KCNH1: variants seen among roughly 807,000 people sequenced by gnomAD.
KCNH1 encodes the protein voltage-gated delayed rectifier potassium channel KCNH1.
Under a neutral mutation model 69.2 loss-of-function variants are expected in KCNH1, and 27 were observed. That is an observed-to-expected ratio of 0.39 (90% CI 0.29 to 0.54). The LOEUF (loss-of-function observed/expected upper bound fraction) is 0.54. Ranked by LOEUF, KCNH1 falls within the 20% of genes least tolerant of loss-of-function variation. The probability of loss-of-function intolerance (pLI) is 0.68; values close to 1 mark genes in which losing one functional copy is unlikely to be tolerated. For missense variants in KCNH1, 798 were observed against 1,261.6 expected (o/e 0.63, Z 5.57); for synonymous variants, 456 against 487.7 (o/e 0.93, Z 0.86).
At chr1:210,702,583 T>C (rs1418102088) in intron 10 of KCNH1, among the ~76,000 whole-genome samples, 2 of 152,224 alleles carry the variant, frequency 1.3e-5, no homozygotes, top group Non-Finnish European at 2.9e-5. Context: ...ATGTCTTTAA[T>C]GTAAGCATTT....
rs371148092 is a variant in KCNH1, at chr1:210,873,592, C to T, written c.1462+46048G>A. ...TTGAACTCCTGACCTCAGCCATCCT[C>T]CTAATTCAGCCATCCTCCTAACTCA... On this transcript the variant is annotated intron_variant, in intron 7 of 10. Transcript: ENST00000271751. 6.2e-3 allele frequency among the ~76,000 whole-genome samples: 944 copies of T among 151,810 alleles called. 7 individuals carry two copies. The highest frequency in any genetic ancestry group is 8.4e-3 in the Non-Finnish European group (570 of 67,722).
chr1:210,750,579 A>G (rs557336945), intron 10 of KCNH1, among the ~76,000 whole-genome samples: 42 of 152,160 alleles, frequency 2.8e-4, no homozygotes, highest in Non-Finnish European at 4.0e-4. Context: ...AAGTCACAGG[A>G]AGGAATCTTG....
chr1:211,124,526 C>T (rs1005173944), intron 1 of KCNH1, among the ~76,000 whole-genome samples: 1 of 152,098 alleles, frequency 6.6e-6, no homozygotes, highest in African/African-American at 2.4e-5. Flanking sequence ...TGCCTGTAGT[C>T]CCAGCTGCTC....
chr1:210,729,146 T>G (rs1682681533), intron 10 of KCNH1, among the ~76,000 whole-genome samples: 1 of 152,228 alleles, frequency 6.6e-6, no homozygotes, highest in East Asian at 1.9e-4. Flanking sequence ...CATTCTGCAT[T>G]TTTAAATTCC....
At chr1:211,034,684 A>G (rs929208417) in intron 5 of KCNH1, among the ~76,000 whole-genome samples, 1 of 152,216 alleles carries the variant, frequency 6.6e-6, no homozygotes, top group Non-Finnish European at 1.5e-5. Flanking sequence ...AATGTAGATG[A>G]ATTACAAATA....
At chr1:211,012,730 A>G (rs1689416033) in intron 6 of KCNH1, among the ~76,000 whole-genome samples, 1 of 152,216 alleles carries the variant, frequency 6.6e-6, no homozygotes, top group Non-Finnish European at 1.5e-5. Context: ...AAACCCATAG[A>G]ATATATAATC....
At chr1:210,933,103 G>A (rs1401374040) in intron 6 of KCNH1, among the ~76,000 whole-genome samples, 1 of 152,134 alleles carries the variant, frequency 6.6e-6, no homozygotes. Context: ...GCAAAGACTT[G>A]GAACCAATCC....
At chr1:211,119,130 G>A (rs1403987508) in intron 1 of KCNH1, among the ~76,000 whole-genome samples, 1 of 152,196 alleles carries the variant, frequency 6.6e-6, no homozygotes, top group Non-Finnish European at 1.5e-5. Flanking sequence ...GGAGGCCGAG[G>A]CAGGCAGATC....
At chr1:210,754,988 G>T (rs1369830097) in intron 10 of KCNH1, among the ~76,000 whole-genome samples, 1 of 152,178 alleles carries the variant, frequency 6.6e-6, no homozygotes, top group Non-Finnish European at 1.5e-5. Context: ...GAGCATGCAT[G>T]CACATGTACA....
intron 6 of KCNH1, among the ~76,000 whole-genome samples, chr1:211,017,568 G>A (rs1689514897): frequency 6.6e-6 from 1 of 152,090 alleles, no homozygotes; most frequent in South Asian, 2.1e-4. Context: ...ATGTCCACTA[G>A]GAGTAAGAAA....
chr1:210,908,615 C>A (rs1687163686), intron 7 of KCNH1, among the ~76,000 whole-genome samples: 1 of 152,124 alleles, frequency 6.6e-6, no homozygotes, highest in Admixed American at 6.5e-5. Context: ...AACATTTGGG[C>A]CAGGCTTCAT....
At chr1:210,778,017 CCA>C (rs1683895955) in intron 9 of KCNH1, among the ~76,000 whole-genome samples, 1 of 152,222 alleles carries the variant, frequency 6.6e-6, no homozygotes. Context: ...GAAGCACAAG[CCA>C]CACAAGGGGT....
chr1:211,018,778 T>A lies in KCNH1; in HGVS notation c.1032+5A>T, dbSNP rs936224812. On this transcript the variant is annotated splice_donor_5th_base_variant and intron_variant, in intron 6 of 10. Transcript: ENST00000271751. Reference sequence around the variant, plus strand: ...ACAACAAGGTCTGAGATTTGAGGGATGTACCTGACTCTCTCTCCCCTCCAG... The same window carrying A: ...ACAACAAGGTCTGAGATTTGAGGGAAGTACCTGACTCTCTCTCCCCTCCAG... The A allele has an allele frequency of 6.3e-7, 1 of 1,587,222 alleles. No homozygotes were observed. Among genetic ancestry groups the A allele is most frequent in the Non-Finnish European group, 8.6e-7 (1 of 1,165,258 alleles).
intron 5 of KCNH1, among the ~76,000 whole-genome samples, chr1:211,049,031 T>C (rs1398134457): frequency 6.6e-6 from 1 of 151,856 alleles, no homozygotes; most frequent in Non-Finnish European, 1.5e-5. Context: ...AGTTCATTTA[T>C]TTGAAGAAAA....
intron 10 of KCNH1, among the ~76,000 whole-genome samples, chr1:210,704,736 C>T (rs755730506): frequency 1.3e-5 from 2 of 152,210 alleles, no homozygotes; most frequent in Non-Finnish European, 2.9e-5. Context: ...ACCTCAGTAG[C>T]CAAACCTGTA....
chr1:210,945,740 C>T (rs779984129), intron 6 of KCNH1, among the ~76,000 whole-genome samples: 10 of 152,294 alleles, frequency 6.6e-5, no homozygotes, highest in East Asian at 3.9e-4. Context: ...ACCCTTCCAC[C>T]GCAGGGCCTT....
intron 3 of KCNH1, among the ~76,000 whole-genome samples, chr1:211,099,641 T>C (rs1264555954): frequency 6.6e-6 from 1 of 152,098 alleles, no homozygotes; most frequent in African/African-American, 2.4e-5. Context: ...TCACATGTTG[T>C]TTCTCTCCTG....
At chr1:211,086,395 C>A (rs1690953170) in intron 4 of KCNH1, among the ~76,000 whole-genome samples, 1 of 152,044 alleles carries the variant, frequency 6.6e-6, no homozygotes, top group African/African-American at 2.4e-5. Context: ...ATGAAGAAAC[C>A]CCTAGCCCAG....
chr1:210,770,549 C>T (rs987418938), intron 10 of KCNH1, among the ~76,000 whole-genome samples: 1 of 152,204 alleles, frequency 6.6e-6, no homozygotes, highest in African/African-American at 2.4e-5. Flanking sequence ...TAGTGAGTTA[C>T]TAATAGCATG....
Sources: allele counts gnomAD v4.1 joint callset (sites outside exome capture counted in the v4.1 genomes callset), GRCh38; gene constraint gnomAD v4.1.1; transcripts MANE v1.5; gene names NCBI Gene and HGNC (gene_info 2026-07-23, HGNC 2026-07-21).